CIAO2A: variants seen among roughly 807,000 people sequenced by gnomAD.
CIAO2A encodes the protein cytosolic iron-sulfur assembly component 2A.
CIAO2A carries 17 observed loss-of-function variants against 22.4 expected under a neutral mutation model. That is an observed-to-expected ratio of 0.76 (90% CI 0.52 to 1.14). The LOEUF (loss-of-function observed/expected upper bound fraction) is 1.14, where lower values mean the gene tolerates loss of function less well. CIAO2A is among the 50% of genes most tolerant of loss of function. CIAO2A has a pLI of 0.00. For missense variants in CIAO2A, 192 were observed against 191.4 expected (o/e 1.00, Z -0.02); for synonymous variants, 74 against 72.3 (o/e 1.02, Z -0.12).
chr15:64,085,465 G>T (rs1280732795), intron 2 of CIAO2A, among the ~76,000 whole-genome samples: 2 of 152,130 alleles, frequency 1.3e-5, no homozygotes, highest in East Asian at 3.9e-4. Flanking sequence ...TCGTGTCATT[G>T]CATTCCAGCC....
At chr15:64,083,067 A>T (rs1221937952) in intron 2 of CIAO2A, among the ~76,000 whole-genome samples, 1 of 149,794 alleles carries the variant, frequency 6.7e-6, no homozygotes, top group Non-Finnish European at 1.5e-5. Context: ...TAATAATAAA[A>T]CTTAAAAATA....
At position 64,078,639 on chromosome 15, in the gene CIAO2A, CA is replaced by C. The variant is rs56266808; in HGVS notation, c.339+2462del. 6.0e-3 allele frequency among the ~76,000 whole-genome samples: 772 copies of C among 129,142 alleles called. 9 individuals are homozygous for C. The highest frequency in any genetic ancestry group is 0.019 in the African/African-American group (651 of 34,200). 84.7% of individuals were successfully genotyped at this position (129,142 alleles called of 152,430 possible). A position where few individuals can be genotyped will look rare whatever the true frequency, so the allele number is the denominator to read the frequency against. ...CGACAGAGCGAGATTCCATCGCAAA[CA>C]AAAAAAAAAAAAAAAGAAAAGAGAG... is the stretch of plus-strand genomic sequence containing the variant. On this transcript the variant is annotated intron_variant, in intron 3 of 4. Coordinates refer to ENST00000300030, the MANE Select transcript of CIAO2A (RefSeq NM_032231.7).
At chr15:64,073,079 C>T in intron 4 of CIAO2A, 51 bp from the exon 5 acceptor site, 1 of 1,231,200 alleles carries the variant, frequency 8.1e-7, no homozygotes, top group Non-Finnish European at 1.2e-6. Flanking sequence ...CAATATACAG[C>T]ACCAGACAGT....
intron 4 of CIAO2A, 50 bp downstream of exon 4, chr15:64,075,442 T>C (rs1281390544): frequency 1.6e-6 from 2 of 1,231,770 alleles, no homozygotes; most frequent in Non-Finnish European, 2.3e-6. Context: ...GTATCCAAGA[T>C]AAAATACTAT....
chr15:64,073,878 C>T (rs2080694444), intron 4 of CIAO2A: 2 of 152,204 alleles, frequency 1.3e-5, no homozygotes, highest in Non-Finnish European at 2.9e-5. Context: ...GCTAGGGTTA[C>T]AGGTGTGAAC....
intron 2 of CIAO2A, among the ~76,000 whole-genome samples, chr15:64,084,090 TACAGA>T (rs1015040115): frequency 1.4e-4 from 21 of 152,200 alleles, no homozygotes; most frequent in African/African-American, 4.3e-4. Context: ...TTAGCACCCT[TACAGA>T]ACAGTTTTTA....
intron 1 of CIAO2A, among the ~76,000 whole-genome samples, chr15:64,091,876 T>G (rs941451135): frequency 2.0e-5 from 3 of 151,760 alleles, no homozygotes; most frequent in African/African-American, 4.8e-5. Flanking sequence ...CTGGGTAACA[T>G]AGCAAAACCT....
chr15:64,086,590 A>G (rs2080797180), intron 2 of CIAO2A, among the ~76,000 whole-genome samples: 1 of 149,572 alleles, frequency 6.7e-6, no homozygotes, highest in South Asian at 2.1e-4. Flanking sequence ...TTCAGCATTC[A>G]GTAATGCTTT....
intron 1 of CIAO2A, among the ~76,000 whole-genome samples, chr15:64,089,687 T>G (rs143234944): frequency 3.9e-4 from 60 of 152,262 alleles, no homozygotes; most frequent in African/African-American, 1.4e-3. Flanking sequence ...ACAAGTGACA[T>G]GGACAACACT....
At chr15:64,074,878 G>A (rs1312845543) in intron 4 of CIAO2A, 1 of 152,038 alleles carries the variant, frequency 6.6e-6, no homozygotes, top group Non-Finnish European at 1.5e-5. Context: ...AGTACAACAT[G>A]CCTTTTAAAT....
intron 3 of CIAO2A, among the ~76,000 whole-genome samples, chr15:64,076,654 T>C (rs1473353898): frequency 6.6e-6 from 1 of 152,062 alleles, no homozygotes; most frequent in African/African-American, 2.4e-5. Flanking sequence ...GAGATAAACA[T>C]TTCTCATGAG....
Position 64,081,138 on chromosome 15 carries a change from T to G in CIAO2A, c.303A>C (p.Arg101Ser). ...ATGGTAAACATCGCTGAAGTTTTACTCTTAAGCACAGCCCTGTGGAGGGAA... is the reference window on the plus strand; with the variant it reads ...ATGGTAAACATCGCTGAAGTTTTACGCTTAAGCACAGCCCTGTGGAGGGAA... ...SLATLIGLCL[R>S]VKLQRCLPFK... Residue 101 changes from arginine (R) to serine (S), a missense_variant, in exon 3 of 5, where the codon AGA becomes AGC. Transcript: ENST00000300030. 1.9e-6 allele frequency: 3 copies of G among 1,613,726 alleles called. No individual in the cohort carries two copies. The highest frequency in any genetic ancestry group is 2.5e-6 in the Non-Finnish European group (3 of 1,179,866).
At position 64,073,037 on chromosome 15, in the gene CIAO2A, TAC is replaced by T. The variant is rs2080685823; in HGVS notation, c.386-11_386-10del. 1 of 1,599,924 alleles carries T rather than the reference TAC, an allele frequency of 6.3e-7. No individual in the cohort carries two copies. Among genetic ancestry groups the T allele is most frequent in the African/African-American group, 1.3e-5 (1 of 74,592 alleles). ...ATTTATCTGCTTATTGACTGAAAAA[TAC>T]ACAGACAAAAGTTAGCAGAAGAACT... On this transcript the variant is annotated splice_polypyrimidine_tract_variant and intron_variant, in intron 4 of 4. Coordinates refer to ENST00000300030, the MANE Select transcript of CIAO2A (RefSeq NM_032231.7).
At chr15:64,085,782 C>CG (rs2080789684) in intron 2 of CIAO2A, among the ~76,000 whole-genome samples, 2 of 151,900 alleles carry the variant, frequency 1.3e-5, no homozygotes, top group Admixed American at 1.3e-4. Context: ...GACCTTCGCT[C>CG]ACTGCAACCT....
At chr15:64,076,503 C>T (rs1425189730) in intron 3 of CIAO2A, among the ~76,000 whole-genome samples, 1 of 152,016 alleles carries the variant, frequency 6.6e-6, no homozygotes, top group Non-Finnish European at 1.5e-5. Flanking sequence ...CATGAGCTAC[C>T]CTCCAAGACC....
intron 1 of CIAO2A, among the ~76,000 whole-genome samples, chr15:64,089,314 G>A (rs2080821272): frequency 6.6e-6 from 1 of 152,118 alleles, no homozygotes; most frequent in Admixed American, 6.6e-5. Flanking sequence ...CTTGAGCTCA[G>A]AAGTTCGAGA....
At chr15:64,083,426 G>C (rs56145662) in intron 2 of CIAO2A, among the ~76,000 whole-genome samples, 6,900 of 152,156 alleles carry the variant, frequency 0.045, 199 homozygotes, top group South Asian at 0.085. Flanking sequence ...TTATCAACTT[G>C]TTTCCCTGCC....
At position 64,078,667 on chromosome 15, in the gene CIAO2A, G is replaced by A. The variant is rs1349073365; in HGVS notation, c.339+2435C>T. Among the ~76,000 whole-genome samples the A allele has an allele frequency of 6.7e-5, 10 of 150,086 alleles. No individual in the cohort carries two copies. In the East Asian group the frequency reaches 1.6e-3, roughly 23 times the overall value. ...AAAAAAAAAAAAAAGAAAAGAGAGAGAAGTTGACAGTCCAGGAGGGAAGAT... is the reference window on the plus strand; with the variant it reads ...AAAAAAAAAAAAAAGAAAAGAGAGAAAAGTTGACAGTCCAGGAGGGAAGAT... On this transcript the variant is annotated intron_variant, in intron 3 of 4. Coordinates refer to ENST00000300030, the MANE Select transcript of CIAO2A (RefSeq NM_032231.7).
intron 4 of CIAO2A, 55 bp downstream of exon 4, chr15:64,075,437 C>G (rs750488552): frequency 7.0e-6 from 8 of 1,148,630 alleles, no homozygotes; most frequent in Non-Finnish European, 9.9e-6. Context: ...ATCCAGTATC[C>G]AAGATAAAAT....
Sources: gnomAD v4.1 joint callset for allele counts (sites outside exome capture counted in the v4.1 genomes callset) on GRCh38, gnomAD v4.1.1 for gene constraint, MANE v1.5 for transcripts, NCBI Gene and HGNC (gene_info 2026-07-23, HGNC 2026-07-21) for gene names.